PTPRF: variants seen among roughly 807,000 people sequenced by gnomAD.
PTPRF encodes protein tyrosine phosphatase receptor type F.
In PTPRF, 59 loss-of-function variants were observed where a neutral mutation model predicts 201.8. The ratio of observed to expected loss-of-function variants is 0.29; its 90% CI spans 0.24 to 0.36. PTPRF has a LOEUF of 0.36. Among genes scored for constraint, PTPRF ranks in the 10% least tolerant of loss-of-function variants. The probability of loss-of-function intolerance (pLI) is 1.00; values close to 1 mark genes in which losing one functional copy is unlikely to be tolerated. For synonymous variants in PTPRF, 1,088 were observed against 1,089.7 expected, an observed-to-expected ratio of 1.00 and a Z score of 0.03; for missense variants, 2,132 against 2,690.5, an observed-to-expected ratio of 0.79 and a Z score of 4.59.
At chr1:43,576,270 A>T (rs1345696464) in intron 6 of PTPRF, among the ~76,000 whole-genome samples, 2 of 152,226 alleles carry the variant, frequency 1.3e-5, no homozygotes, top group African/African-American at 4.8e-5. Flanking sequence ...CCCTAGACAG[A>T]AGAGCTTCCC....
chr1:43,615,808 C>T (rs1035043417), intron 23 of PTPRF, among the ~76,000 whole-genome samples: 17 of 152,102 alleles, frequency 1.1e-4, no homozygotes, highest in Admixed American at 5.2e-4. Flanking sequence ...CCTCGTGATC[C>T]GCCCACCTTG....
intron 2 of PTPRF, among the ~76,000 whole-genome samples, chr1:43,540,913 T>A (rs886347699): frequency 3.3e-5 from 5 of 152,252 alleles, no homozygotes; most frequent in Non-Finnish European, 7.3e-5. Flanking sequence ...ATGTTGGTTT[T>A]CCCTTCCCAA....
At chr1:43,548,898 C>T (rs1235188240) in intron 3 of PTPRF, among the ~76,000 whole-genome samples, 1 of 152,232 alleles carries the variant, frequency 6.6e-6, no homozygotes, top group East Asian at 1.9e-4. Context: ...ATAGAAGAGC[C>T]TTGATGGTGG....
chr1:43,527,006 A>G (rs1229956109), upstream of PTPRF, among the ~76,000 whole-genome samples: 1 of 152,186 alleles, frequency 6.6e-6, no homozygotes, highest in Non-Finnish European at 1.5e-5. Context: ...TGATAGGGAA[A>G]TCTTGCTGAT....
At chr1:43,593,559 C>T (rs1017974002) in intron 11 of PTPRF, among the ~76,000 whole-genome samples, 2 of 149,390 alleles carry the variant, frequency 1.3e-5, no homozygotes, top group African/African-American at 4.9e-5. Context: ...AGATGGTGAC[C>T]ACATCTGATG....
intron 23 of PTPRF, among the ~76,000 whole-genome samples, chr1:43,614,011 C>A (rs965439562): frequency 9.2e-5 from 14 of 152,168 alleles, no homozygotes; most frequent in African/African-American, 2.9e-4. Flanking sequence ...TGCTCACAGG[C>A]AGACACAAGG....
chr1:43,587,500 G>A (rs1285511173), intron 7 of PTPRF, among the ~76,000 whole-genome samples: 4 of 152,194 alleles, frequency 2.6e-5, no homozygotes, highest in Admixed American at 6.5e-5. Flanking sequence ...ACGTTGGACC[G>A]GGAGGTCTCT....
In PTPRF at chr1:43,604,894, C is replaced by T; in HGVS notation, c.3038-9C>T. 4 of 1,612,626 alleles carry T rather than the reference C, an allele frequency of 2.5e-6. No individual in the cohort carries two copies. The highest frequency in any genetic ancestry group is 1.7e-4 in the Middle Eastern group (1 of 6,056). ...CCCAGCAGAGCTGACTCTCTCTATG[C>T]CTTTGCAGTGTTTGCCAAGAACTTC... On this transcript the variant is annotated splice_polypyrimidine_tract_variant and intron_variant, in intron 16 of 33. Coordinates refer to ENST00000359947, the MANE Select transcript of PTPRF (RefSeq NM_002840.5).
In PTPRF at chr1:43,592,497, A is replaced by C. The variant is rs373396517; in HGVS notation, c.1709A>C (p.Glu570Ala). The C allele has an allele frequency of 2.5e-6, 4 of 1,612,684 alleles. No individual in the cohort carries two copies. In the African/African-American group the frequency reaches 5.4e-5, roughly 22 times the overall value. The change falls in exon 11 of 34, where the codon GAG (glutamate) becomes GCG (alanine). Residue 570 changes from glutamate to alanine, a missense_variant. Around this residue, in one of 6 missense-constraint regions of PTPRF, gnomAD observed 351 missense variants for 401.7 expected, o/e 0.87. Transcript: ENST00000359947. ...GACCCAACCTCCTCCTACACACTAG[A>C]GGACCTGAAGCCTGACACACTCTAC... The part of the protein sequence containing the change: ...TFDPTSSYTL[E>A]DLKPDTLYRF...
At position 43,608,688 on chromosome 1, in the gene PTPRF, A is replaced by G. The variant is rs912537971; in HGVS notation, c.3858-695A>G. On this transcript the variant is annotated intron_variant, in intron 21 of 33. Transcript: ENST00000359947. ...AGTGCTGCGAGAGACAGTCTCGCAC[A>G]GAGCAAAGAGCAGTCACTGTGTGGA... Among the ~76,000 whole-genome samples the G allele has an allele frequency of 3.3e-5, 5 of 152,360 alleles. No individual in the cohort carries two copies. The East Asian group carries it at 5.8e-4, about 18-fold the overall frequency.
intron 1 of PTPRF, among the ~76,000 whole-genome samples, chr1:43,536,813 G>A (rs1429583888): frequency 6.6e-6 from 1 of 152,204 alleles, no homozygotes; most frequent in Non-Finnish European, 1.5e-5. Flanking sequence ...AGGTGGGGCA[G>A]TGGAGGCTGG....
intron 22 of PTPRF, among the ~76,000 whole-genome samples, chr1:43,611,718 T>TGGCA (rs1656501308): frequency 6.6e-6 from 1 of 151,924 alleles, no homozygotes; most frequent in South Asian, 2.1e-4. Flanking sequence ...AAGTGAAAGG[T>TGGCA]GGCAGTGGGA....
chr1:43,620,062 C>T, intron 29 of PTPRF, 33 bp from the exon 30 acceptor site: 1 of 1,612,978 alleles, frequency 6.2e-7, no homozygotes, highest in East Asian at 2.2e-5. Context: ...GGCAGCAGCA[C>T]CTCCAGCATG....
chr1:43,599,602 G>A (rs1653237896), intron 13 of PTPRF, among the ~76,000 whole-genome samples: 1 of 152,190 alleles, frequency 6.6e-6, no homozygotes. Flanking sequence ...AGCTAGGCCT[G>A]CTGGCCAGCC....
chr1:43,592,471 C>A lies in PTPRF; in HGVS notation c.1683C>A (p.Phe561Leu). 6.2e-7 allele frequency: 1 copy of A among 1,610,394 alleles called. No homozygotes were observed. The highest frequency in any genetic ancestry group is 8.5e-7 in the Non-Finnish European group (1 of 1,178,326). ...GCTCTTCCCAGCACAAGGTGACCTT[C>A]GACCCAACCTCCTCCTACACACTAG... Reference protein sequence around the residue: ...EDEDQQHKVTFDPTSSYTLED... With the variant: ...EDEDQQHKVTLDPTSSYTLED... The change falls in exon 11 of 34, where the codon TTC becomes TTA. Residue 561 changes from phenylalanine to leucine, a missense_variant. Coordinates refer to ENST00000359947, the MANE Select transcript of PTPRF (RefSeq NM_002840.5).
At chr1:43,620,619 CCA>C in intron 31 of PTPRF, 40 bp downstream of exon 31, 1 of 1,601,540 alleles carries the variant, frequency 6.2e-7, no homozygotes, top group Non-Finnish European at 8.5e-7. Context: ...CGCTGCCTGT[CCA>C]CACGCTGGGT....
At chr1:43,576,015 A>G in intron 6 of PTPRF, 2 of 1,238,710 alleles carry the variant, frequency 1.6e-6, no homozygotes, top group Non-Finnish European at 1.1e-6. Flanking sequence ...TCACCTCCCC[A>G]TCCCCATCCC....
At chr1:43,579,378 G>A in intron 7 of PTPRF, 1 of 372,636 alleles carries the variant, frequency 2.7e-6, no homozygotes, top group Non-Finnish European at 5.4e-6. Flanking sequence ...CTGGGCTTTG[G>A]GGTAGTAAGG....
rs184937744 is a variant in PTPRF at position 43,555,593 on chromosome 1, G to A, written c.379+1652G>A. On this transcript the variant is annotated intron_variant, in intron 5 of 33. Transcript: ENST00000359947. ...CCCGAGTAGCTGGGACTACAGGTGCGCACCACCACTCGTGACTAATTTTTG... is the reference window on the plus strand; with the variant it reads ...CCCGAGTAGCTGGGACTACAGGTGCACACCACCACTCGTGACTAATTTTTG... 6.4e-4 allele frequency among the ~76,000 whole-genome samples: 97 copies of A among 151,964 alleles called. 1 individual carries two copies. Among genetic ancestry groups the A allele is most frequent in the South Asian group, 1.0e-3 (5 of 4,808 alleles).
Sources: allele counts gnomAD v4.1 joint callset (sites outside exome capture counted in the v4.1 genomes callset), GRCh38; gene constraint gnomAD v4.1.1; regional missense constraint gnomAD v4.1.1; transcripts MANE v1.5; gene names NCBI Gene and HGNC (gene_info 2026-07-23, HGNC 2026-07-21).